Variants in TBATA observed in about 807,000 individuals in gnomAD.
The protein encoded by TBATA is protein TBATA.
Under a neutral mutation model 38.7 loss-of-function variants are expected in TBATA, and 47 were observed. That is an observed-to-expected ratio of 1.21 (90% CI 0.96 to 1.55). TBATA has a LOEUF of 1.55. Ranked by LOEUF, TBATA falls within the 40% of genes most tolerant of loss-of-function variation. The pLI is 0.00. For synonymous variants in TBATA, 183 were observed against 170.5 expected (o/e 1.07, Z -0.57); for missense variants, 436 against 435.6 (o/e 1.00, Z -0.01).
At chr10:70,782,505 A>T in intron 3 of TBATA, 1 of 1,283,440 alleles carries the variant, frequency 7.8e-7, no homozygotes, top group South Asian at 1.2e-5. Flanking sequence ...ACTCAGGAGT[A>T]GTCTTGGCTC....
At chr10:70,777,760 A>G (rs934076435) in intron 6 of TBATA, 1 of 438,894 alleles carries the variant, frequency 2.3e-6, no homozygotes, top group African/African-American at 2.0e-5. Flanking sequence ...CCCACCGCCT[A>G]CCTTAATTCC....
chr10:70,774,419 G>C, intron 8 of TBATA, 62 bp from the exon 9 acceptor site: 1 of 1,501,540 alleles, frequency 6.7e-7, no homozygotes, highest in Non-Finnish European at 9.0e-7. Context: ...CCCTGTGGCG[G>C]GGCCAGAAGC....
At chr10:70,783,233 C>T in intron 3 of TBATA, 106 bp downstream of exon 3, 2 of 1,322,396 alleles carry the variant, frequency 1.5e-6, no homozygotes, top group Admixed American at 1.8e-5. Context: ...AGAACCACCT[C>T]TCTTGGACTC....
intron 4 of TBATA, among the ~76,000 whole-genome samples, chr10:70,781,091 C>G (rs1880055): frequency 0.38 from 57,786 of 152,024 alleles, 11,030 homozygotes; most frequent in Middle Eastern, 0.47. Context: ...CCGTTCTCCT[C>G]TCCTACTTTA....
chr10:70,783,433 T>G lies in TBATA; in HGVS notation c.-54A>C. 2 of 1,595,348 alleles carry G rather than the reference T, an allele frequency of 1.3e-6. No individual in the cohort carries two copies. The highest frequency in any genetic ancestry group is 4.5e-5 in the East Asian group (2 of 44,814). On this transcript the variant is annotated 5_prime_UTR_variant, in exon 3 of 11. Coordinates refer to ENST00000456372, the MANE Select transcript of TBATA (RefSeq NM_001318241.2). ...GTGCACTTAATACTAGCGTTGAGGA[T>G]GCAGAACAGGAACTCTCACTTAATA...
intron 9 of TBATA, among the ~76,000 whole-genome samples, chr10:70,773,452 G>A (rs1044192363): frequency 1.1e-5 from 1 of 88,410 alleles, no homozygotes; most frequent in Non-Finnish European, 2.2e-5. Flanking sequence ...TCAGGTGACT[G>A]TTAAAAATAC....
intron 4 of TBATA, among the ~76,000 whole-genome samples, chr10:70,779,962 A>AG (rs1843959320): frequency 6.6e-6 from 1 of 152,302 alleles, no homozygotes; most frequent in South Asian, 2.1e-4. Context: ...AGGCCCGCTC[A>AG]GGGCCACACT....
rs528706623 is a variant in TBATA at position 70,779,716 on chromosome 10, C to T, written c.304G>A (p.Val102Ile). ...QDLTGKPVCV[V>I]RDFPAPLPES... ...GGCAAGGGGGCTGGAAAATCCCTGA[C>T]GACACAGACAGGCTTCCCGGTGAGA... The change falls in exon 5 of 11, where the codon GTC becomes ATC. Residue 102 changes from valine to isoleucine, a missense_variant. Val to Ile is a conservative substitution (Grantham distance 29). Coordinates refer to ENST00000456372, the MANE Select transcript of TBATA (RefSeq NM_001318241.2). The T allele has an allele frequency of 1.1e-5, 17 of 1,536,856 alleles. No individual in the cohort carries two copies. Among genetic ancestry groups the T allele is most frequent in the South Asian group, 5.1e-5 (4 of 78,870 alleles).
intron 8 of TBATA, 77 bp from the exon 9 acceptor site, chr10:70,774,434 C>T (rs1034081403): frequency 2.1e-6 from 3 of 1,431,176 alleles, no homozygotes; most frequent in African/African-American, 2.8e-5. Context: ...AGAAGCAGGG[C>T]CTCCATCCAG....
intron 9 of TBATA, among the ~76,000 whole-genome samples, chr10:70,773,547 T>A (rs192510404): frequency 1.3e-5 from 2 of 151,848 alleles, no homozygotes; most frequent in East Asian, 4.0e-4. Context: ...AGAATCTGAG[T>A]GCTGCTGGCT....
intron 9 of TBATA, among the ~76,000 whole-genome samples, chr10:70,773,471 C>CCT (rs548545292): frequency 6.6e-6 from 1 of 151,394 alleles, no homozygotes; most frequent in Non-Finnish European, 1.5e-5. Context: ...ACAGGCCCCC[C>CCT]CGGCTTCACC....
intron 9 of TBATA, among the ~76,000 whole-genome samples, chr10:70,773,999 C>G (rs992735453): frequency 1.3e-5 from 2 of 152,240 alleles, no homozygotes; most frequent in Non-Finnish European, 2.9e-5. Context: ...GTGTCCCCAG[C>G]CCTGGCAGTT....
intron 8 of TBATA, 59 bp downstream of exon 8, chr10:70,775,130 A>C: frequency 6.6e-7 from 1 of 1,512,262 alleles, no homozygotes; most frequent in African/African-American, 1.4e-5. Flanking sequence ...AGAACCAGAG[A>C]TCAAGGGCAG....
chr10:70,779,613 C>T lies in TBATA; in HGVS notation c.407G>A (p.Arg136Gln), dbSNP rs751622538. Residue 136 changes from arginine to glutamine, a missense_variant, in exon 5 of 11, where the codon CGG (arginine) becomes CAG (glutamine). By Grantham distance (43) the Arg-to-Gln change is conservative (BLOSUM62 1). Transcript: ENST00000456372. ...SVPIGDPQSN[R>Q]NPQLSSEAWK... ...CCCACCAGAAGAAAGCTGGGGGTTCCGATTAGACTGTGGGTCTCCAATGGG... is the reference window on the plus strand; with the variant it reads ...CCCACCAGAAGAAAGCTGGGGGTTCTGATTAGACTGTGGGTCTCCAATGGG... 1.6e-5 allele frequency: 24 copies of T among 1,514,232 alleles called. No individual in the cohort carries two copies. Among genetic ancestry groups the T allele is most frequent in the South Asian group, 1.0e-4 (8 of 76,364 alleles). 93.8% of individuals were successfully genotyped at this position (1,514,232 alleles called of 1,614,324 possible).
chr10:70,785,079 A>G (rs935861610), intron 1 of TBATA, among the ~76,000 whole-genome samples: 1 of 152,218 alleles, frequency 6.6e-6, no homozygotes, highest in Non-Finnish European at 1.5e-5. Context: ...CTAGTAGGCC[A>G]AGCCTGCCTT....
intron 3 of TBATA, chr10:70,782,504 T>C: frequency 7.8e-7 from 1 of 1,283,186 alleles, no homozygotes; most frequent in Non-Finnish European, 1.0e-6. Context: ...CACTCAGGAG[T>C]AGTCTTGGCT....
At chr10:70,773,469 C>CCCG (rs954221112) in intron 9 of TBATA, among the ~76,000 whole-genome samples, 16 of 151,736 alleles carry the variant, frequency 1.1e-4, no homozygotes, top group African/African-American at 3.4e-4. Context: ...ATACAGGCCC[C>CCCG]CCCGGCTTCA....
At chr10:70,782,068 G>C in intron 3 of TBATA, 32 bp from the exon 4 acceptor site, 1 of 1,608,700 alleles carries the variant, frequency 6.2e-7, no homozygotes, top group Non-Finnish European at 8.5e-7. Context: ...GAAGCTAATG[G>C]AGTCTCCTCT....
intron 6 of TBATA, chr10:70,777,654 C>T (rs1001830889): frequency 7.2e-6 from 3 of 417,766 alleles, no homozygotes; most frequent in African/African-American, 6.1e-5. Flanking sequence ...CGCTGGATGC[C>T]CGCGGGTGGT....
Sources: allele counts gnomAD v4.1 joint callset (sites outside exome capture counted in the v4.1 genomes callset), GRCh38; gene constraint gnomAD v4.1.1; transcripts MANE v1.5; gene names NCBI Gene and HGNC (gene_info 2026-07-23, HGNC 2026-07-21).